Variants in JAKMIP2 observed in about 807,000 individuals in gnomAD.
The protein encoded by JAKMIP2 is janus kinase and microtubule interacting protein 2, also known as janus kinase and microtubule-interacting protein 2.
Under a neutral mutation model 115.0 loss-of-function variants are expected in JAKMIP2, and 25 were observed. The observed-to-expected ratio is 0.22, with a 90% confidence interval of 0.16 to 0.30. The LOEUF (loss-of-function observed/expected upper bound fraction) is 0.30. JAKMIP2 is among the 10% of genes least tolerant of loss of function. JAKMIP2 has a pLI of 1.00. For synonymous variants in JAKMIP2, 334 were observed against 343.6 expected, an observed-to-expected ratio of 0.97 and a Z score of 0.31; for missense variants, 642 against 957.6, an observed-to-expected ratio of 0.67 and a Z score of 4.35.
At chr5:147,712,451 G>A (rs1306808044) in intron 1 of JAKMIP2, among the ~76,000 whole-genome samples, 1 of 151,876 alleles carries the variant, frequency 6.6e-6, no homozygotes, top group Admixed American at 6.6e-5. Context: ...AATTTATTTT[G>A]GTGTGAAAAT....
At chr5:147,640,881 G>A (rs1225597407) in intron 8 of JAKMIP2, 58 bp from the exon 9 acceptor site, 10 of 1,500,598 alleles carry the variant, frequency 6.7e-6, no homozygotes, top group Non-Finnish European at 9.1e-6. Flanking sequence ...AAAGTTGAAC[G>A]TTAAAATACT....
At chr5:147,690,531 T>C (rs1317914161) in intron 1 of JAKMIP2, among the ~76,000 whole-genome samples, 1 of 108,096 alleles carries the variant, frequency 9.3e-6, no homozygotes, top group Non-Finnish European at 2.0e-5. Context: ...TGTAAAAAAC[T>C]AAAGAGATTA....
At chr5:147,776,718 A>T (rs1755570674) in intron 1 of JAKMIP2, among the ~76,000 whole-genome samples, 1 of 152,196 alleles carries the variant, frequency 6.6e-6, no homozygotes, top group Non-Finnish European at 1.5e-5. Context: ...ACTTGAGGTC[A>T]GGAGTTTAAG....
chr5:147,721,695 T>C (rs940257168), intron 1 of JAKMIP2, among the ~76,000 whole-genome samples: 1 of 150,444 alleles, frequency 6.6e-6, no homozygotes, highest in Non-Finnish European at 1.5e-5. Context: ...GCAATGCCTC[T>C]CCCTGCTTCG....
chr5:147,763,097 G>A lies in JAKMIP2; in HGVS notation c.-149+19359C>T, dbSNP rs148152314. Among the ~76,000 whole-genome samples the A allele has an allele frequency of 1.8e-3, 269 of 152,224 alleles. 1 individual carries two copies. Among genetic ancestry groups the A allele is most frequent in the Middle Eastern group, 6.8e-3 (2 of 294 alleles). ...CTATGACAAAGGGTGAGTAGCCTGA[G>A]ACTACTCCAGTTCCAAACACCAGAC... is the stretch of plus-strand genomic sequence containing the variant. On this transcript the variant is annotated intron_variant, in intron 1 of 21. Coordinates refer to ENST00000616793, the MANE Select transcript of JAKMIP2 (RefSeq NM_001270941.2).
intron 1 of JAKMIP2, among the ~76,000 whole-genome samples, chr5:147,715,254 C>T (rs1331173790): frequency 1.3e-5 from 2 of 151,536 alleles, no homozygotes; most frequent in Non-Finnish European, 2.9e-5. Context: ...TAATGTAGAG[C>T]CATTTGGGCA....
At chr5:147,658,773 C>T (rs1758810805) in intron 3 of JAKMIP2, among the ~76,000 whole-genome samples, 1 of 152,074 alleles carries the variant, frequency 6.6e-6, no homozygotes, top group African/African-American at 2.4e-5. Flanking sequence ...AGCCGCTTTG[C>T]TGTGCTGTGG....
At chr5:147,689,389 C>T (rs1760727411) in intron 1 of JAKMIP2, among the ~76,000 whole-genome samples, 1 of 152,122 alleles carries the variant, frequency 6.6e-6, no homozygotes, top group East Asian at 1.9e-4. Flanking sequence ...ACTCTGACTG[C>T]TCTAGTAAAA....
rs997949996 is a variant in JAKMIP2 at position 147,679,626 on chromosome 5, G to C, written c.-148-7672C>G. 1.8e-4 allele frequency among the ~76,000 whole-genome samples: 28 copies of C among 152,234 alleles called. No individual in the cohort carries two copies. The East Asian group carries it at 1.9e-3, about 11-fold the overall frequency. On this transcript the variant is annotated intron_variant, in intron 1 of 21. Coordinates refer to ENST00000616793, the MANE Select transcript of JAKMIP2 (RefSeq NM_001270941.2). ...TTAATGAAGCTCCTACTCTGTGCCA[G>C]GCAATGGCATTAACTCATTGAACTA...
At chr5:147,611,029 TC>T (rs1756290270) in intron 20 of JAKMIP2, among the ~76,000 whole-genome samples, 1 of 151,826 alleles carries the variant, frequency 6.6e-6, no homozygotes, top group African/African-American at 2.4e-5. Context: ...AGAATGCCCC[TC>T]CCCCCACCAA....
At chr5:147,595,786 A>G (rs991703571) in intron 21 of JAKMIP2, among the ~76,000 whole-genome samples, 9 of 152,182 alleles carry the variant, frequency 5.9e-5, no homozygotes, top group African/African-American at 2.2e-4. Context: ...TGTGCTAGAC[A>G]CTGTTGGTTA....
At chr5:147,617,339 T>C (rs940207132) in intron 19 of JAKMIP2, among the ~76,000 whole-genome samples, 6 of 152,166 alleles carry the variant, frequency 3.9e-5, no homozygotes, top group African/African-American at 1.4e-4. Context: ...TATTGTTATC[T>C]CCAAAATTGA....
intron 16 of JAKMIP2, among the ~76,000 whole-genome samples, chr5:147,625,017 G>A (rs990801573): frequency 6.6e-6 from 1 of 151,918 alleles, no homozygotes; most frequent in African/African-American, 2.4e-5. Context: ...GTTTCACTCT[G>A]TCACCCAGGC....
chr5:147,739,565 A>G (rs774361546), intron 1 of JAKMIP2, among the ~76,000 whole-genome samples: 3 of 152,160 alleles, frequency 2.0e-5, no homozygotes, highest in Non-Finnish European at 4.4e-5. Flanking sequence ...CCCACAAAAA[A>G]TGTCCATAAG....
chr5:147,621,150 G>C (rs569345909), intron 17 of JAKMIP2, among the ~76,000 whole-genome samples: 1 of 152,312 alleles, frequency 6.6e-6, no homozygotes, highest in African/African-American at 2.4e-5. Flanking sequence ...AAATTCATCT[G>C]TGTACAACTA....
intron 1 of JAKMIP2, among the ~76,000 whole-genome samples, chr5:147,746,350 C>T (rs908825448): frequency 2.0e-5 from 3 of 152,028 alleles, no homozygotes; most frequent in Admixed American, 1.3e-4. Flanking sequence ...TACTCATGGA[C>T]GAAAGACGGG....
At position 147,591,681 on chromosome 5, in the gene JAKMIP2, G is replaced by C; in HGVS notation, c.*26C>G. ...TCCTGGGATCTTATCCATGTTTTCG[G>C]TTACTCTGCAAAACAGAGGAAAAAA... On this transcript the variant is annotated 3_prime_UTR_variant, in exon 22 of 22. Coordinates refer to ENST00000616793, the MANE Select transcript of JAKMIP2 (RefSeq NM_001270941.2). 3.8e-6 allele frequency: 6 copies of C among 1,589,586 alleles called. No homozygotes were observed. Among genetic ancestry groups the C allele is most frequent in the Non-Finnish European group, 5.2e-6 (6 of 1,162,560 alleles).
chr5:147,620,662 C>G lies in JAKMIP2; in HGVS notation c.2142+4G>C. 1 of 1,606,480 alleles carries G rather than the reference C, an allele frequency of 6.2e-7. No individual in the cohort carries two copies. On this transcript the variant is annotated splice_donor_region_variant and intron_variant, in intron 18 of 21. Coordinates refer to ENST00000616793, the MANE Select transcript of JAKMIP2 (RefSeq NM_001270941.2). ...CGGGTGTCTCTATCACTTGTTGTACCTACCATATATGCTTGGTCAAGAGCT... is the reference window on the plus strand; with the variant it reads ...CGGGTGTCTCTATCACTTGTTGTACGTACCATATATGCTTGGTCAAGAGCT...
intron 1 of JAKMIP2, among the ~76,000 whole-genome samples, chr5:147,715,286 G>C (rs1230304013): frequency 6.6e-6 from 1 of 151,704 alleles, no homozygotes; most frequent in Non-Finnish European, 1.5e-5. Context: ...TAATGAGGTA[G>C]TAGATTTAAA....
Sources: allele counts gnomAD v4.1 joint callset (sites outside exome capture counted in the v4.1 genomes callset), GRCh38; gene constraint gnomAD v4.1.1; transcripts MANE v1.5; gene names NCBI Gene and HGNC (gene_info 2026-07-23, HGNC 2026-07-21).